The following IL13RA1 variants were observed in gnomAD, a reference collection of about 807,000 sequenced individuals.
IL13RA1 encodes the protein interleukin-13 receptor subunit alpha-1.
Under a neutral mutation model 33.8 loss-of-function variants are expected in IL13RA1, and 14 were observed. That is an observed-to-expected ratio of 0.41 (90% confidence interval 0.27 to 0.65). IL13RA1 has a LOEUF of 0.65. Among genes scored for constraint, IL13RA1 ranks in the 30% least tolerant of loss-of-function variants. The pLI is 0.28. For synonymous variants in IL13RA1, 116 were observed against 115.7 expected, an observed-to-expected ratio of 1.00 and a Z score of -0.02; for missense variants, 313 against 327.0, an observed-to-expected ratio of 0.96 and a Z score of 0.33.
At chrX:118,741,383 A>G (rs1569454550) in intron 2 of IL13RA1, among the ~76,000 whole-genome samples, 1 of 112,486 alleles carries the variant, frequency 8.9e-6, no homozygotes, top group African/African-American at 3.2e-5. Context: ...TCTGACAGGA[A>G]ATACTAGATA....
chrX:118,784,110 C>T lies in IL13RA1; in HGVS notation c.1191+7599C>T, dbSNP rs12835362. Among the ~76,000 whole-genome samples, 357 of 41,077 alleles carry T rather than the reference C, an allele frequency of 8.7e-3. 7 individuals carry two copies. Among genetic ancestry groups the T allele is most frequent in the Middle Eastern group, 0.026 (2 of 78 alleles). 35.7% of individuals were successfully genotyped at this position (41,077 alleles called of 115,157 possible). On this transcript the variant is annotated intron_variant, in intron 10 of 10. Coordinates refer to ENST00000371666, the MANE Select transcript of IL13RA1 (RefSeq NM_001560.3). ...AAAAAAATATATATATATATATATA[C>T]GTATATATGTATATATATGTATATA...
chrX:118,803,018 C>A, the IL13RA1 span, among the ~76,000 whole-genome samples: 1 of 112,167 alleles, frequency 8.9e-6, no homozygotes, highest in Non-Finnish European at 1.9e-5. Context: ...TTGGCAATAG[C>A]TTGTCCACTC....
At chrX:118,794,928 A>G (rs745454104), downstream of IL13RA1, among the ~76,000 whole-genome samples, 2 of 111,764 alleles carry the variant, frequency 1.8e-5, no homozygotes, top group South Asian at 7.5e-4. Flanking sequence ...AGAGACCAAG[A>G]AAGTCAGTTT....
chrX:118,786,360 C>T (rs2017916987), intron 10 of IL13RA1, among the ~76,000 whole-genome samples: 2 of 108,486 alleles, frequency 1.8e-5, no homozygotes, highest in East Asian at 2.9e-4. Flanking sequence ...CTCTGCACTC[C>T]AGCCCGGGCA....
Position 118,758,046 on chromosome X carries a change from A to G in IL13RA1, c.489-9A>G. ...ATAATGCAGAAGATTGTCTCATTTT[A>G]TCTTGTAGGCACAGAAGCCTGGAAA... On this transcript the variant is annotated splice_polypyrimidine_tract_variant and intron_variant, in intron 4 of 10. Coordinates refer to ENST00000371666, the MANE Select transcript of IL13RA1 (RefSeq NM_001560.3). 9.1e-7 allele frequency: 1 copy of G among 1,102,070 alleles called. No individual in the cohort carries two copies. 90.8% of individuals were successfully genotyped at this position (1,102,070 alleles called of 1,213,427 possible). A position where few individuals can be genotyped will look rare whatever the true frequency, so the allele number is the denominator to read the frequency against.
chrX:118,787,704 T>C (rs1422883543), intron 10 of IL13RA1, among the ~76,000 whole-genome samples: 1 of 111,770 alleles, frequency 8.9e-6, no homozygotes. Flanking sequence ...GGCTGTTAAT[T>C]GCTAATATTC....
intron 3 of IL13RA1, among the ~76,000 whole-genome samples, chrX:118,747,952 C>T (rs1040208961): frequency 2.9e-5 from 3 of 104,665 alleles, no homozygotes; most frequent in Non-Finnish European, 5.8e-5. Context: ...GGGATGATTA[C>T]GTAAGTCAGT....
At chrX:118,751,599 C>A (rs1603211593) in intron 4 of IL13RA1, among the ~76,000 whole-genome samples, 1 of 110,410 alleles carries the variant, frequency 9.1e-6, no homozygotes, top group East Asian at 2.9e-4. Flanking sequence ...GGGGGAGTTT[C>A]TCTGATGCTG....
At chrX:118,737,838 TG>T (rs748006625) in intron 1 of IL13RA1, among the ~76,000 whole-genome samples, 28 of 111,617 alleles carry the variant, frequency 2.5e-4, no homozygotes, top group Non-Finnish European at 5.3e-4. Flanking sequence ...GGGAGAGTAC[TG>T]GAAGTGCTAA....
At chrX:118,733,953 A>G (rs979465408) in intron 1 of IL13RA1, among the ~76,000 whole-genome samples, 4 of 111,802 alleles carry the variant, frequency 3.6e-5, no homozygotes. Context: ...TGGACTGTCT[A>G]TTCTATTACA....
rs759974691 is a variant in IL13RA1, at chrX:118,761,216, A to G, written c.755A>G (p.Asn252Ser). ...TATGTGCAATGGGAGAATCCACAGA[A>G]TTTTATTAGCAGATGCCTATTTTAT... ...DLYVQWENPQNFISRCLFYEV... is the reference protein window; with the variant it reads ...DLYVQWENPQSFISRCLFYEV... Residue 252 changes from asparagine to serine, a missense_variant, in exon 6 of 11, where the codon AAT becomes AGT. Asn to Ser is a conservative substitution (Grantham distance 46, BLOSUM62 1). Transcript: ENST00000371666. The G allele has an allele frequency of 9.9e-7, 1 of 1,005,394 alleles. No individual in the cohort carries two copies. Among genetic ancestry groups the G allele is most frequent in the African/African-American group, 1.9e-5 (1 of 53,768 alleles). The allele number at this position is 1,005,394 out of a possible 1,213,427, so 82.9% of individuals were successfully genotyped here.
chrX:118,767,844 A>G (rs918081690), intron 8 of IL13RA1, among the ~76,000 whole-genome samples: 2 of 111,483 alleles, frequency 1.8e-5, no homozygotes, highest in African/African-American at 3.3e-5. Flanking sequence ...CTTAGGAGTG[A>G]TAAGTGCAGC....
At chrX:118,746,059 T>C (rs1603209548) in intron 2 of IL13RA1, among the ~76,000 whole-genome samples, 2 of 109,889 alleles carry the variant, frequency 1.8e-5, no homozygotes, top group East Asian at 5.7e-4. Context: ...GAGAAAGAGG[T>C]TTAATGAAAA....
chrX:118,755,565 C>G (rs2017521003), intron 4 of IL13RA1, among the ~76,000 whole-genome samples: 1 of 111,482 alleles, frequency 9.0e-6, no homozygotes, highest in Admixed American at 9.5e-5. Flanking sequence ...GTTATCTATT[C>G]AGAACCAGTA....
intron 8 of IL13RA1, chrX:118,770,992 A>G (rs2017712978): frequency 9.1e-6 from 2 of 219,297 alleles, no homozygotes; most frequent in Non-Finnish European, 1.7e-5. Context: ...TGAGGGGGCC[A>G]GAGAAGGGAA....
At chrX:118,741,813 C>T (rs1244792931) in intron 2 of IL13RA1, among the ~76,000 whole-genome samples, 3 of 110,251 alleles carry the variant, frequency 2.7e-5, no homozygotes, top group African/African-American at 6.6e-5. Context: ...TGCAGGGTGG[C>T]GGCGGTGAGT....
chrX:118,772,001 T>A lies in IL13RA1; in HGVS notation c.1010-1878T>A, dbSNP rs750739958. ...AAAATTAAATTAAAAAAAATCACTA[T>A]CTCTGGAAAACTAGTTGGTGTACAG... is the stretch of plus-strand genomic sequence containing the variant. On this transcript the variant is annotated intron_variant, in intron 8 of 10. Transcript: ENST00000371666. Among the ~76,000 whole-genome samples, 3 of 112,119 alleles carry A rather than the reference T, an allele frequency of 2.7e-5. No individual in the cohort carries two copies. The East Asian group carries it at 8.4e-4, about 32-fold the overall frequency.
chrX:118,787,882 G>T (rs2017936557), intron 10 of IL13RA1, among the ~76,000 whole-genome samples: 1 of 111,518 alleles, frequency 9.0e-6, no homozygotes, highest in African/African-American at 3.3e-5. Flanking sequence ...ATTTCATATT[G>T]TTCAAACACA....
chrX:118,755,093 C>T (rs769544031), intron 4 of IL13RA1, among the ~76,000 whole-genome samples: 4 of 108,338 alleles, frequency 3.7e-5, no homozygotes, highest in Non-Finnish European at 7.7e-5. Context: ...GGATTACAGG[C>T]ACGTGCCACC....
Sources: allele counts gnomAD v4.1 joint callset (sites outside exome capture counted in the v4.1 genomes callset), GRCh38; gene constraint gnomAD v4.1.1; transcripts MANE v1.5; gene names NCBI Gene and HGNC (gene_info 2026-07-23, HGNC 2026-07-21).